The following RRP1B variants were observed in gnomAD, a reference collection of about 807,000 sequenced individuals.
The protein encoded by RRP1B is ribosomal RNA processing protein 1 homolog B.
A neutral mutation model predicts 80.2 loss-of-function variants in RRP1B; 56 were observed. That is an observed-to-expected ratio of 0.70 (90% confidence interval 0.56 to 0.87). The LOEUF (loss-of-function observed/expected upper bound fraction) is 0.87. Ranked by LOEUF, RRP1B falls within the 40% of genes least tolerant of loss-of-function variation. RRP1B has a pLI of 0.00. For missense variants in RRP1B, 807 were observed against 939.8 expected (o/e 0.86, Z 1.85); for synonymous variants, 351 against 357.6 (o/e 0.98, Z 0.21).
chr21:43,681,990 G>A (rs2061686478), intron 8 of RRP1B, among the ~76,000 whole-genome samples: 1 of 151,996 alleles, frequency 6.6e-6, no homozygotes, highest in Non-Finnish European at 1.5e-5. Flanking sequence ...GTCTAGTCTA[G>A]GTGTGGAGAC....
In RRP1B at chr21:43,665,139, C is replaced by T. The variant is rs550839136; in HGVS notation, c.131-4745C>T. ...TTTGCCTGTTACAGGTGTGGGCTAT[C>T]CATAGCAGATGCTAGGCAGACCACA... is the stretch of plus-strand genomic sequence containing the variant. On this transcript the variant is annotated intron_variant, in intron 1 of 15. Coordinates refer to ENST00000340648, the MANE Select transcript of RRP1B (RefSeq NM_015056.3). 6.4e-4 allele frequency among the ~76,000 whole-genome samples: 98 copies of T among 152,334 alleles called. 2 individuals carry two copies. The Middle Eastern group carries it at 0.027, about 42-fold the overall frequency.
At chr21:43,689,343 T>A (rs1383358400) in intron 13 of RRP1B, among the ~76,000 whole-genome samples, 1 of 152,216 alleles carries the variant, frequency 6.6e-6, no homozygotes, top group East Asian at 1.9e-4. Flanking sequence ...CTTGTTTAAG[T>A]GGACATGTGT....
At chr21:43,687,009 A>G in intron 12 of RRP1B, 74 bp downstream of exon 12, 1 of 1,512,984 alleles carries the variant, frequency 6.6e-7, no homozygotes, top group Non-Finnish European at 9.0e-7. Context: ...GGCCTCGGAG[A>G]CTTGAGCTCG....
rs1273225747 is a variant in RRP1B at position 43,694,354 on chromosome 21, TCTC to T, written c.*974_*976del. On this transcript the variant is annotated 3_prime_UTR_variant, in exon 16 of 16. Transcript: ENST00000340648. ...AGCGTGCACTTACAGTTCAGACCGT[TCTC>T]CTGTAAGTTCATTACAAACACGGGC... 2 of 152,254 alleles carry T rather than the reference TCTC, an allele frequency of 1.3e-5. No individual in the cohort carries two copies. Among genetic ancestry groups the T allele is most frequent in the African/African-American group, 2.4e-5 (1 of 41,458 alleles). The allele number at this position is 152,254 out of a possible 1,614,324, so 9.4% of individuals were successfully genotyped here. A position where few individuals can be genotyped will look rare whatever the true frequency, so the allele number is the denominator to read the frequency against.
At chr21:43,686,646 T>G (rs1477940284) in intron 11 of RRP1B, 158 bp from the exon 12 acceptor site, 1 of 781,840 alleles carries the variant, frequency 1.3e-6, no homozygotes, top group Non-Finnish European at 2.0e-6. Context: ...CTTTTTTAAG[T>G]CTGTAATTCC....
At chr21:43,664,835 A>G (rs910667877) in intron 1 of RRP1B, among the ~76,000 whole-genome samples, 12 of 152,198 alleles carry the variant, frequency 7.9e-5, no homozygotes, top group African/African-American at 2.7e-4. Context: ...TATGTGCAGG[A>G]GAGCTCCCCT....
intron 13 of RRP1B, among the ~76,000 whole-genome samples, chr21:43,688,798 C>T (rs940071687): frequency 7.9e-5 from 12 of 152,182 alleles, no homozygotes; most frequent in Admixed American, 6.5e-4. Context: ...AGGAACCAAG[C>T]TGTTGATCTG....
intron 4 of RRP1B, 51 bp from the exon 5 acceptor site, chr21:43,674,585 C>CTTTTTTTTTT: frequency 1.7e-6 from 1 of 572,688 alleles, no homozygotes; most frequent in Non-Finnish European, 2.5e-6. Context: ...TCTTACCTTT[C>CTTTTTTTTTT]CTTTTTTTTT....
chr21:43,689,653 G>A (rs747114826), intron 13 of RRP1B, among the ~76,000 whole-genome samples: 11 of 152,230 alleles, frequency 7.2e-5, no homozygotes, highest in Non-Finnish European at 1.6e-4. Context: ...TGCTCAATAA[G>A]TCCCAGGGTC....
rs71322533 is a variant in RRP1B at position 43,676,860 on chromosome 21, G to A, written c.742G>A (p.Glu248Lys). 2 of 1,614,202 alleles carry A rather than the reference G, an allele frequency of 1.2e-6. No individual in the cohort carries two copies. Among genetic ancestry groups the A allele is most frequent in the Non-Finnish European group, 1.7e-6 (2 of 1,180,010 alleles). ...KVGDGDLSAE[E>K]IPENEVSLRR... ...GGGTGATGGTGACCTCTCTGCTGAG[G>A]AGATACCTGAAAATGAGGTATCCTT... The change falls in exon 8 of 16, where the codon GAG becomes AAG. Residue 248 changes from glutamate to lysine, a missense_variant. Coordinates refer to ENST00000340648, the MANE Select transcript of RRP1B (RefSeq NM_015056.3).
At chr21:43,689,403 G>T (rs896609786) in intron 13 of RRP1B, among the ~76,000 whole-genome samples, 1 of 152,252 alleles carries the variant, frequency 6.6e-6, no homozygotes, top group African/African-American at 2.4e-5. Context: ...CAAGTGGCTA[G>T]TGAGTGAGTT....
intron 1 of RRP1B, among the ~76,000 whole-genome samples, chr21:43,668,266 C>A (rs1488242471): frequency 6.6e-6 from 1 of 151,336 alleles, no homozygotes. Context: ...GGAGAAAGAC[C>A]CTTAGCAAAG....
At chr21:43,662,334 T>G (rs761920646) in intron 1 of RRP1B, among the ~76,000 whole-genome samples, 3 of 152,190 alleles carry the variant, frequency 2.0e-5, no homozygotes, top group Admixed American at 6.5e-5. Flanking sequence ...ACCACCACAT[T>G]GCATGGAGTA....
At position 43,691,433 on chromosome 21, in the gene RRP1B, C is replaced by T. The variant is rs751717164; in HGVS notation, c.2020-6C>T. ...TCCTTTTGTTCCTGTTATTTCTCTT[C>T]TGCAGCTAAACAAGACACCATCCAG... On this transcript the variant is annotated splice_region_variant and splice_polypyrimidine_tract_variant and intron_variant, in intron 14 of 15. Coordinates refer to ENST00000340648, the MANE Select transcript of RRP1B (RefSeq NM_015056.3). This position sits in a 1 kb window ranked among gnomAD's most constrained non-coding sequence, Gnocchi z 4.2. The T allele has an allele frequency of 2.5e-6, 4 of 1,613,858 alleles. No homozygotes were observed. The highest frequency in any genetic ancestry group is 3.4e-6 in the Non-Finnish European group (4 of 1,179,764).
At chr21:43,674,599 T>TTTC (rs760796649) in intron 4 of RRP1B, 37 bp from the exon 5 acceptor site, 49 of 1,346,542 alleles carry the variant, frequency 3.6e-5, no homozygotes, top group Non-Finnish European at 4.6e-5. Context: ...TTTTTTTTTT[T>TTTC]TTTTTTTTTT....
intron 1 of RRP1B, among the ~76,000 whole-genome samples, chr21:43,664,310 A>G (rs1386483217): frequency 6.7e-6 from 1 of 148,352 alleles, no homozygotes; most frequent in Non-Finnish European, 1.5e-5. Flanking sequence ...CTGGGCAACA[A>G]GAGTAAAACT....
chr21:43,672,110 T>C (rs1343815804), intron 2 of RRP1B, among the ~76,000 whole-genome samples, 198 bp from the exon 3 acceptor site: 1 of 152,236 alleles, frequency 6.6e-6, no homozygotes, highest in African/African-American at 2.4e-5. Flanking sequence ...CATACCAAGT[T>C]AGCATAATAG....
At chr21:43,676,449 C>T (rs1439168806) in intron 7 of RRP1B, 113 bp downstream of exon 7, 38 of 836,354 alleles carry the variant, frequency 4.5e-5, no homozygotes, top group South Asian at 1.8e-4. Context: ...CAGCAGAGAG[C>T]GGCTGGAGAA....
chr21:43,693,486 T>C lies in RRP1B; in HGVS notation c.*103T>C, dbSNP rs2083095216. 1 of 1,216,300 alleles carries C rather than the reference T, an allele frequency of 8.2e-7. No homozygotes were observed. Among genetic ancestry groups the C allele is most frequent in the South Asian group, 1.7e-5 (1 of 57,956 alleles). The allele number at this position is 1,216,300 out of a possible 1,614,324, so 75.3% of individuals were successfully genotyped here. A position where few individuals can be genotyped will look rare whatever the true frequency, so the allele number is the denominator to read the frequency against. On this transcript the variant is annotated 3_prime_UTR_variant, in exon 16 of 16. Coordinates refer to ENST00000340648, the MANE Select transcript of RRP1B (RefSeq NM_015056.3). The surrounding 1 kb of genome is among the most constrained non-coding windows in gnomAD (Gnocchi z 4.1). Reference sequence around the variant, plus strand: ...TTTTTTATGATTTTGTAAGTTCCCATAAGTTGTGTGCACGAGGTTCTGAGA... The same window carrying C: ...TTTTTTATGATTTTGTAAGTTCCCACAAGTTGTGTGCACGAGGTTCTGAGA...
Sources: allele counts gnomAD v4.1 joint callset (sites outside exome capture counted in the v4.1 genomes callset), GRCh38; gene constraint gnomAD v4.1.1; non-coding constraint Gnocchi (gnomAD v3.1); transcripts MANE v1.5; gene names NCBI Gene and HGNC (gene_info 2026-07-23, HGNC 2026-07-21).